DNER: variants seen among roughly 807,000 people sequenced by gnomAD.
DNER encodes delta/notch like EGF repeat containing.
A neutral mutation model predicts 78.2 loss-of-function variants in DNER; 33 were observed. The ratio of observed to expected loss-of-function variants is 0.42; its 90% confidence interval spans 0.32 to 0.56. DNER has a LOEUF of 0.56. Among genes scored for constraint, DNER ranks in the 20% least tolerant of loss-of-function variants. The pLI, the probability that DNER is intolerant of heterozygous loss-of-function variation, is 0.11. For synonymous variants in DNER, 417 were observed against 384.8 expected (o/e 1.08, Z -0.98); for missense variants, 918 against 975.3 (o/e 0.94, Z 0.78).
chr2:229,458,814 A>G (rs1694632152), intron 7 of DNER, among the ~76,000 whole-genome samples: 1 of 152,002 alleles, frequency 6.6e-6, no homozygotes, highest in Admixed American at 6.5e-5. Flanking sequence ...TAAAGTGTAG[A>G]AAGGAAAATA....
intron 7 of DNER, among the ~76,000 whole-genome samples, chr2:229,459,777 G>A (rs1694652270): frequency 6.6e-6 from 1 of 151,962 alleles, no homozygotes; most frequent in African/African-American, 2.4e-5. Flanking sequence ...TGGGCATGGT[G>A]GTGTGTGCCT....
In DNER at chr2:229,388,402, G is replaced by A. The variant is rs562379428; in HGVS notation, c.1724-6C>T. ...GTCAATGTCGCACTCTTCACCTAGG[G>A]AGATAAGAAAAAGCAGTGGTGAAAC... is the stretch of plus-strand genomic sequence containing the variant. On this transcript the variant is annotated splice_region_variant and splice_polypyrimidine_tract_variant and intron_variant, in intron 10 of 12. Transcript: ENST00000341772. 1.9e-6 allele frequency: 3 copies of A among 1,600,742 alleles called. No individual in the cohort carries two copies. The highest frequency in any genetic ancestry group is 1.7e-4 in the Middle Eastern group (1 of 5,832).
At chr2:229,586,748 T>C in intron 3 of DNER, 1 of 985,778 alleles carries the variant, frequency 1.0e-6, no homozygotes, top group Non-Finnish European at 1.2e-6. Flanking sequence ...GCCCACATAT[T>C]ACCTCTTCCC....
At chr2:229,564,545 T>C (rs1697061983) in intron 4 of DNER, among the ~76,000 whole-genome samples, 1 of 148,836 alleles carries the variant, frequency 6.7e-6, no homozygotes, top group African/African-American at 2.5e-5. Context: ...ATCATCATCA[T>C]CCTCACCCCA....
intron 10 of DNER, among the ~76,000 whole-genome samples, chr2:229,400,317 T>C (rs539027325): frequency 1.3e-5 from 2 of 152,166 alleles, no homozygotes; most frequent in East Asian, 3.9e-4. Flanking sequence ...AGTATACACA[T>C]GCACTTCCTC....
chr2:229,635,561 G>A (rs1698516882), intron 1 of DNER, among the ~76,000 whole-genome samples: 2 of 152,062 alleles, frequency 1.3e-5, no homozygotes, highest in Non-Finnish European at 2.9e-5. Context: ...GGAGGGAAGA[G>A]GAGCATAAAG....
At chr2:229,652,916 G>T (rs1402371499) in intron 1 of DNER, among the ~76,000 whole-genome samples, 1 of 152,202 alleles carries the variant, frequency 6.6e-6, no homozygotes, top group African/African-American at 2.4e-5. Flanking sequence ...AGAGGCGGCG[G>T]CATGGGTAGT....
chr2:229,555,467 C>T (rs1696839112), intron 4 of DNER, among the ~76,000 whole-genome samples: 1 of 152,184 alleles, frequency 6.6e-6, no homozygotes, highest in Non-Finnish European at 1.5e-5. Context: ...TCAGAGACCA[C>T]CTTATTCATA....
intron 4 of DNER, among the ~76,000 whole-genome samples, chr2:229,552,869 G>A (rs1483368370): frequency 6.6e-6 from 1 of 152,138 alleles, no homozygotes; most frequent in Non-Finnish European, 1.5e-5. Context: ...TGGGAGGAGA[G>A]GAGCCAGACC....
intron 4 of DNER, among the ~76,000 whole-genome samples, chr2:229,554,517 C>T (rs1476640748): frequency 6.6e-6 from 1 of 152,144 alleles, no homozygotes; most frequent in Non-Finnish European, 1.5e-5. Context: ...CATGCTGAAA[C>T]TCCATCTGTA....
At chr2:229,632,623 A>T (rs1698451014) in intron 1 of DNER, among the ~76,000 whole-genome samples, 1 of 152,240 alleles carries the variant, frequency 6.6e-6, no homozygotes, top group Non-Finnish European at 1.5e-5. Context: ...TACCAAGGAG[A>T]GGATAAGAAC....
chr2:229,501,900 C>A (rs1695630913), intron 6 of DNER, among the ~76,000 whole-genome samples: 1 of 152,154 alleles, frequency 6.6e-6, no homozygotes, highest in Non-Finnish European at 1.5e-5. Flanking sequence ...AGTTGACCAA[C>A]AAGGAGCGGC....
chr2:229,488,583 G>C (rs12477612), intron 6 of DNER, among the ~76,000 whole-genome samples: 19,041 of 152,320 alleles, frequency 0.13, 1,335 homozygotes, highest in South Asian at 0.2. Flanking sequence ...GCTAAGTAAA[G>C]TTGGTGAGTG....
chr2:229,437,695 G>A (rs1045425537), intron 8 of DNER, among the ~76,000 whole-genome samples: 5 of 152,096 alleles, frequency 3.3e-5, no homozygotes, highest in African/African-American at 7.2e-5. Flanking sequence ...GTGGGAAGGC[G>A]TGCTACTGAA....
At chr2:229,503,386 C>T (rs991825484) in intron 6 of DNER, among the ~76,000 whole-genome samples, 4 of 152,168 alleles carry the variant, frequency 2.6e-5, no homozygotes, top group Admixed American at 1.3e-4. Flanking sequence ...CCTAATGTCC[C>T]TTCCAGAGGT....
chr2:229,695,040 A>G (rs751621570), intron 1 of DNER, among the ~76,000 whole-genome samples: 8 of 152,126 alleles, frequency 5.3e-5, no homozygotes, highest in Non-Finnish European at 8.8e-5. Flanking sequence ...ATGGGTTCCC[A>G]TGAGATCTGA....
chr2:229,709,739 A>T (rs1401471416), intron 1 of DNER, among the ~76,000 whole-genome samples: 1 of 152,212 alleles, frequency 6.6e-6, no homozygotes. Flanking sequence ...TATAATCCTG[A>T]AGGATAGGAT....
At chr2:229,440,327 C>T (rs1200428792) in intron 8 of DNER, among the ~76,000 whole-genome samples, 1 of 152,126 alleles carries the variant, frequency 6.6e-6, no homozygotes, top group Non-Finnish European at 1.5e-5. Context: ...GGTACCTTAG[C>T]GTCTGGACGT....
chr2:229,591,747 G>T lies in DNER; in HGVS notation c.418C>A (p.Pro140Thr). The change falls in exon 2 of 13, where the codon CCA becomes ACA. Residue 140 changes from proline to threonine, a missense_variant. Physicochemically the swap from Pro to Thr is conservative, Grantham distance 38. Transcript: ENST00000341772. The surrounding 1 kb of genome is among the most constrained non-coding windows in gnomAD (Gnocchi z 4.6). ...ATGGATTCGGTCCAGCCAGTGGCTG[G>T]GAGACTGGGAAGTGCCTGTTCACAG... The part of the protein sequence containing the change: ...PNCEQALPSL[P>T]ATGWTESMAP... The T allele has an allele frequency of 6.2e-7, 1 of 1,614,164 alleles. No individual in the cohort carries two copies. The highest frequency in any genetic ancestry group is 1.1e-5 in the South Asian group (1 of 91,072).
Sources: gnomAD v4.1 joint callset for allele counts (sites outside exome capture counted in the v4.1 genomes callset) on GRCh38, gnomAD v4.1.1 for gene constraint, Gnocchi (gnomAD v3.1) non-coding constraint, MANE v1.5 for transcripts, NCBI Gene and HGNC (gene_info 2026-07-23, HGNC 2026-07-21) for gene names.